Variants in MUC17 observed in about 807,000 individuals in gnomAD.
The protein encoded by MUC17 is mucin-17.
MUC17 carries 190 observed loss-of-function variants against 170.3 expected under a neutral mutation model. The observed-to-expected ratio is 1.12, with a 90% confidence interval of 0.99 to 1.26. MUC17 has a LOEUF of 1.26. Ranked by LOEUF, MUC17 falls within the 50% of genes most tolerant of loss-of-function variation. MUC17 has a pLI of 0.00. For missense variants in MUC17, 6,415 were observed against 5,530.0 expected, an observed-to-expected ratio of 1.16 and a Z score of -5.08; for synonymous variants, 2,325 against 2,002.5, an observed-to-expected ratio of 1.16 and a Z score of -4.30.
In MUC17 at chr7:101,048,855, G is replaced by A. The variant is rs753376856; in HGVS notation, c.12546G>A (p.Glu4182=). The part of the protein sequence containing the change: ...VVSSIDIGPP[E]TISAQMELTV... ...GTCTACCCGCCTCAGGGCCACCGGA[G>A]ACTATCTCTGCCCAAATGGAACTGA... The change falls in exon 5 of 13, where the codon GAG becomes GAA. Residue 4182 remains glutamate, a synonymous_variant. Transcript: ENST00000306151. 1.2e-5 allele frequency: 19 copies of A among 1,614,074 alleles called. No individual in the cohort carries two copies. The highest frequency in any genetic ancestry group is 1.4e-5 in the Non-Finnish European group (16 of 1,179,982).
chr7:101,053,361 T>A lies in MUC17; in HGVS notation c.13288T>A (p.Leu4430Ile). The stretch of plus-strand genomic sequence containing the variant: ...TAGGCAAAAGTACAGATTGTCTCAG[T>A]TATACAAGTGGCAAGAAGAGGACAG... The part of the protein sequence containing the change: ...VKRQKYRLSQ[L>I]YKWQEEDSGP... The change falls in exon 11 of 13, where the codon TTA becomes ATA. Residue 4430 changes from leucine (L) to isoleucine (I), a missense_variant. Coordinates refer to ENST00000306151, the MANE Select transcript of MUC17 (RefSeq NM_001040105.2). The A allele has an allele frequency of 6.2e-7, 1 of 1,614,114 alleles. No individual in the cohort carries two copies.
At position 101,031,600 on chromosome 7, in the gene MUC17, G is replaced by C; in HGVS notation, c.185-1G>C. On this transcript the variant is annotated splice_acceptor_variant, in intron 2 of 12. Transcript: ENST00000306151. LOFTEE classifies it high-confidence loss of function. ...ACAAAATATCATTGTATCTTAAACA[G>C]GTTCTGCGGCAAACACCGCCACAGG... The C allele has an allele frequency of 6.6e-7, 1 of 1,526,384 alleles. No homozygotes were observed. The allele number at this position is 1,526,384 out of a possible 1,614,324, so 94.6% of individuals were successfully genotyped here. A position where few individuals can be genotyped will look rare whatever the true frequency, so the allele number is the denominator to read the frequency against.
chr7:101,020,130 G>A lies in MUC17; in HGVS notation c.-6G>A, dbSNP rs578149293. ...GACAGGCAAGTGAGACGTGCTCAGA[G>A]CTCCGATGCCAAGGCCAGGGACCAT... On this transcript the variant is annotated 5_prime_UTR_variant, in exon 1 of 13. Coordinates refer to ENST00000306151, the MANE Select transcript of MUC17 (RefSeq NM_001040105.2). 1.9e-6 allele frequency: 3 copies of A among 1,593,004 alleles called. No homozygotes were observed. The highest frequency in any genetic ancestry group is 2.7e-5 in the African/African-American group (2 of 74,128).
Position 101,039,779 on chromosome 7 carries a change from C to A in MUC17, c.8363C>A (p.Ala2788Asp), listed in dbSNP as rs1396273976. 5 of 1,607,360 alleles carry A rather than the reference C, an allele frequency of 3.1e-6. No homozygotes were observed. The highest frequency in any genetic ancestry group is 1.1e-5 in the South Asian group (1 of 90,838). ...ATACCTGTCACCACTTCTACTGAAG[C>A]CAGTTCCTCTCCTACAACTGCTGAA... ...TSIPVTTSTE[A>D]SSSPTTAEVT... Residue 2788 changes from alanine (A) to aspartate (D), a missense_variant, in exon 3 of 13, where the codon GCC becomes GAC. By Grantham distance (126) the Ala-to-Asp change is moderately radical (BLOSUM62 -2). Transcript: ENST00000306151.
Position 101,031,739 on chromosome 7 carries a change from C to A in MUC17, c.323C>A (p.Thr108Asn), listed in dbSNP as rs1051384198. ...VTSDTPGVSS[T>N]RMTPTESRTT... ...TCAGACACTCCTGGTGTCTCCAGTA[C>A]CAGGATGACACCAACAGAATCCAGA... Residue 108 changes from threonine (T) to asparagine (N), a missense_variant, in exon 3 of 13, where the codon ACC becomes AAC. Thr to Asn is a moderately conservative substitution (Grantham distance 65). Transcript: ENST00000306151. 1.2e-6 allele frequency: 2 copies of A among 1,604,582 alleles called. No homozygotes were observed. Among genetic ancestry groups the A allele is most frequent in the Non-Finnish European group, 1.7e-6 (2 of 1,171,496 alleles).
chr7:101,047,878 T>A, intron 3 of MUC17, 106 bp from the exon 4 acceptor site: 1 of 1,303,976 alleles, frequency 7.7e-7, no homozygotes, highest in Non-Finnish European at 1.0e-6. Context: ...CATTGTAAGC[T>A]GTAAAGTGCT....
Position 101,040,619 on chromosome 7 carries a change from CA to C in MUC17, c.9205del (p.Thr3069LeufsTer39). ...VAIPEASTLS[T>X]TPVDSNSPVV... ...ATTCCTGAGGCTAGCACCCTTTCAA[CA>C]ACTCCTGTTGACTCCAACAGTCCTG... On this transcript the variant is annotated frameshift_variant, in exon 3 of 13. Coordinates refer to ENST00000306151, the MANE Select transcript of MUC17 (RefSeq NM_001040105.2). LOFTEE classifies it high-confidence loss of function. 1 of 1,612,188 alleles carries C rather than the reference CA, an allele frequency of 6.2e-7. No individual in the cohort carries two copies. Among genetic ancestry groups the C allele is most frequent in the Non-Finnish European group, 8.5e-7 (1 of 1,179,118 alleles).
chr7:101,042,122 C>G lies in MUC17; in HGVS notation c.10706C>G (p.Ser3569Cys), dbSNP rs746810550. Residue 3569 changes from serine to cysteine, a missense_variant, in exon 3 of 13, where the codon TCT (serine) becomes TGT (cysteine). Coordinates refer to ENST00000306151, the MANE Select transcript of MUC17 (RefSeq NM_001040105.2). ...ATLQVTTMRM[S>C]TPSEGSSSLT... is the part of the protein sequence containing the mutation. The stretch of plus-strand genomic sequence containing the variant: ...CTTCAGGTCACCACTATGCGTATGT[C>G]TACTCCAAGTGAAGGAAGCTCTTCA... 1 of 1,614,194 alleles carries G rather than the reference C, an allele frequency of 6.2e-7. No individual in the cohort carries two copies. The highest frequency in any genetic ancestry group is 8.5e-7 in the Non-Finnish European group (1 of 1,180,026).
Position 101,033,830 on chromosome 7 carries a change from G to A in MUC17, c.2414G>A (p.Ser805Asn). The A allele has an allele frequency of 6.2e-7, 1 of 1,613,484 alleles. No homozygotes were observed. Among genetic ancestry groups the A allele is most frequent in the Non-Finnish European group, 8.5e-7 (1 of 1,179,876 alleles). Reference protein sequence around the residue: ...SMPISTPSEGSPLLTSIPVSI... With the variant: ...SMPISTPSEGNPLLTSIPVSI... Reference sequence around the variant, plus strand: ...CCAATCTCAACTCCTAGTGAAGGAAGTCCTTTATTAACAAGTATACCTGTC... The same window carrying A: ...CCAATCTCAACTCCTAGTGAAGGAAATCCTTTATTAACAAGTATACCTGTC... Residue 805 changes from serine (S) to asparagine (N), a missense_variant, in exon 3 of 13, where the codon AGT becomes AAT. Transcript: ENST00000306151.
rs772278970 is a variant in MUC17, at chr7:101,033,188, C to T, written c.1772C>T (p.Ser591Leu). 8.7e-6 allele frequency: 14 copies of T among 1,613,976 alleles called. No individual in the cohort carries two copies. The highest frequency in any genetic ancestry group is 2.2e-5 in the East Asian group (1 of 44,878). The part of the protein sequence containing the change: ...LVVSSEASTT[S>L]TTPADSNTFV... ...GTCAGTTCTGAGGCTAGCACCACTT[C>T]AACAACTCCTGCTGACTCCAACACT... Residue 591 changes from serine (S) to leucine (L), a missense_variant, in exon 3 of 13, where the codon TCA becomes TTA. Physicochemically the swap from Ser to Leu is moderately radical, Grantham distance 145 (BLOSUM62 -2). Transcript: ENST00000306151.
rs765436961 is a variant in MUC17 at position 101,037,837 on chromosome 7, T to G, written c.6421T>G (p.Ser2141Ala). ...SPVITSTEVS[S>A]SPIPTEGTSM... ...TGTGATCACTTCTACTGAAGTCAGT[T>G]CATCTCCTATACCTACTGAAGGTAC... The change falls in exon 3 of 13, where the codon TCA becomes GCA. Residue 2141 changes from serine to alanine, a missense_variant. By Grantham distance (99) the Ser-to-Ala change is moderately conservative (BLOSUM62 1). Transcript: ENST00000306151. The G allele has an allele frequency of 5.6e-6, 9 of 1,613,758 alleles. No individual in the cohort carries two copies. The East Asian group carries it at 1.6e-4, about 28-fold the overall frequency.
rs200788719 is a variant in MUC17, at chr7:101,051,829, T to A, written c.12970T>A (p.Tyr4324Asn). ...GGACTGCCGGAAGATGGCCAAGGAA[T>A]ATGGAGACTACTTCGTAGTGGAGTA... ...EEDCRKMAKE[Y>N]GDYFVVEYRD... is the part of the protein sequence containing the mutation. Residue 4324 changes from tyrosine to asparagine, a missense_variant, in exon 9 of 13, where the codon TAT (tyrosine) becomes AAT (asparagine). Tyr to Asn is a moderately radical substitution (Grantham distance 143). Transcript: ENST00000306151. 5.2e-5 allele frequency: 84 copies of A among 1,613,926 alleles called. 1 individual carries two copies. Among genetic ancestry groups the A allele is most frequent in the Admixed American group, 1.7e-5 (1 of 59,992 alleles).
In MUC17 at chr7:101,042,320, C is replaced by T; in HGVS notation, c.10904C>T (p.Thr3635Ile). Residue 3635 changes from threonine to isoleucine, a missense_variant, in exon 3 of 13, where the codon ACT becomes ATT. Transcript: ENST00000306151. The stretch of plus-strand genomic sequence containing the variant: ...ATGTCAACTCCTAGTGAAGTAAGCA[C>T]TCCATTAACCATTATGCCTGTCAGC... ...LPMSTPSEVS[T>I]PLTIMPVSTT... The T allele has an allele frequency of 6.2e-7, 1 of 1,614,094 alleles. No individual in the cohort carries two copies.
At chr7:101,052,236 C>A (rs1794961826) in intron 9 of MUC17, among the ~76,000 whole-genome samples, 3 of 152,134 alleles carry the variant, frequency 2.0e-5, no homozygotes, top group Admixed American at 2.0e-4. Context: ...GGTTGTCCGA[C>A]TGAGGGAACA....
chr7:101,040,705 A>G lies in MUC17; in HGVS notation c.9289A>G (p.Ile3097Val), dbSNP rs534027626. Residue 3097 changes from isoleucine to valine, a missense_variant, in exon 3 of 13, where the codon ATC becomes GTC. Transcript: ENST00000306151. ...PTPAEGTSMP[I>V]STYSEGSTPL... ...ACCTGCTGAAGGTACCAGCATGCCA[A>G]TCTCAACTTATAGTGAAGGAAGCAC... The G allele has an allele frequency of 2.5e-5, 41 of 1,613,250 alleles. No homozygotes were observed. Among genetic ancestry groups the G allele is most frequent in the Middle Eastern group, 3.3e-4 (2 of 6,056 alleles).
Position 101,041,572 on chromosome 7 carries a change from G to A in MUC17, c.10156G>A (p.Gly3386Ser), listed in dbSNP as rs770522694. 3.3e-5 allele frequency: 54 copies of A among 1,612,900 alleles called. No individual in the cohort carries two copies. In the South Asian group the frequency reaches 5.7e-4, roughly 17 times the overall value. Reference protein sequence around the residue: ...EASLSPTTAEGTSIPTSSPSE... With the variant: ...EASLSPTTAESTSIPTSSPSE... ...CAGTTTATCTCCTACAACTGCTGAA[G>A]GTACCAGCATACCAACCTCAAGTCC... Residue 3386 changes from glycine (G) to serine (S), a missense_variant, in exon 3 of 13, where the codon GGT becomes AGT. Transcript: ENST00000306151.
At chr7:101,050,412 A>G in intron 6 of MUC17, 72 bp from the exon 7 acceptor site, 1 of 1,552,008 alleles carries the variant, frequency 6.4e-7, no homozygotes, top group Non-Finnish European at 8.7e-7. Context: ...GAGAGGGTGA[A>G]GCTTGCCTGG....
chr7:101,040,924 C>T lies in MUC17; in HGVS notation c.9508C>T (p.Pro3170Ser), dbSNP rs758530297. Residue 3170 changes from proline to serine, a missense_variant, in exon 3 of 13, where the codon CCT (proline) becomes TCT (serine). Coordinates refer to ENST00000306151, the MANE Select transcript of MUC17 (RefSeq NM_001040105.2). Reference sequence around the variant, plus strand: ...AGGAAGTACTCCATTAACATATATGCCTGTCAGCACCATGCTGGTAGTCAG... The same window carrying T: ...AGGAAGTACTCCATTAACATATATGTCTGTCAGCACCATGCTGGTAGTCAG... ...SEGSTPLTYM[P>S]VSTMLVVSSE... 2.5e-6 allele frequency: 4 copies of T among 1,613,180 alleles called. No homozygotes were observed. The highest frequency in any genetic ancestry group is 2.2e-5 in the South Asian group (2 of 91,040).
intron 11 of MUC17, among the ~76,000 whole-genome samples, chr7:101,054,589 G>A (rs936216802): frequency 1.3e-5 from 2 of 152,166 alleles, no homozygotes; most frequent in African/African-American, 4.8e-5. Flanking sequence ...AATGCTTTGG[G>A]AGGCCGAGGC....
Sources: gnomAD v4.1 joint callset for allele counts (sites outside exome capture counted in the v4.1 genomes callset) on GRCh38, gnomAD v4.1.1 for gene constraint, MANE v1.5 for transcripts, NCBI Gene and HGNC (gene_info 2026-07-23, HGNC 2026-07-21) for gene names.